XRCC3: variants seen among roughly 807,000 people sequenced by gnomAD.
The protein encoded by XRCC3 is X-ray repair cross complementing 3.
A neutral mutation model predicts 29.2 loss-of-function variants in XRCC3; 34 were observed. The ratio of observed to expected loss-of-function variants is 1.16; its 90% CI spans 0.88 to 1.55. The LOEUF is 1.55. Ranked by LOEUF, XRCC3 falls within the 40% of genes most tolerant of loss-of-function variation. The pLI is 0.00. For synonymous variants in XRCC3, 223 were observed against 211.3 expected, an observed-to-expected ratio of 1.06 and a Z score of -0.48; for missense variants, 463 against 467.6, an observed-to-expected ratio of 0.99 and a Z score of 0.09.
chr14:103,709,695 T>A (rs1366978864), intron 4 of XRCC3: 1 of 152,234 alleles, frequency 6.6e-6, no homozygotes, highest in Non-Finnish European at 1.5e-5. Context: ...ATCGGGGCTG[T>A]GGCAGGGCGC....
At chr14:103,703,669 C>T (rs2083323604) in intron 6 of XRCC3, 1 of 379,322 alleles carries the variant, frequency 2.6e-6, no homozygotes, top group Non-Finnish European at 5.1e-6. Context: ...CCTCCGTTCC[C>T]CACTGCAGGG....
chr14:103,702,770 C>T (rs903334505), intron 7 of XRCC3: 1 of 234,176 alleles, frequency 4.3e-6, no homozygotes, highest in African/African-American at 2.2e-5. Flanking sequence ...GAGCCTCCTC[C>T]TAGGCCCATC....
At chr14:103,710,861 C>T in intron 4 of XRCC3, 172 bp downstream of exon 4, 4 of 639,810 alleles carry the variant, frequency 6.3e-6, no homozygotes, top group Non-Finnish European at 1.1e-5. Flanking sequence ...AGAACACACA[C>T]ACACACACAC....
intron 5 of XRCC3, chr14:103,708,173 G>A: frequency 2.6e-6 from 1 of 387,962 alleles, no homozygotes. Flanking sequence ...GTGGGACCGT[G>A]GCCAGGGCCC....
At position 103,703,317 on chromosome 14, in the gene XRCC3, GTA is replaced by G; in HGVS notation, c.415_416del (p.Tyr139HisfsTer25). On this transcript the variant is annotated frameshift_variant, in exon 7 of 10. Coordinates refer to ENST00000555055, the MANE Select transcript of XRCC3 (RefSeq NM_005432.4). LOFTEE classifies it high-confidence loss of function. ...QHGGLEAGAV[Y>X]ICTEDAFPHK... Reference sequence around the variant, plus strand: ...GCGGGAAGGCGTCTTCCGTGCAGATGTAGACGGCTCCTGGGAAGCAAGAGTGC... The same window carrying G: ...GCGGGAAGGCGTCTTCCGTGCAGATGGACGGCTCCTGGGAAGCAAGAGTGC... The G allele has an allele frequency of 6.4e-7, 1 of 1,551,186 alleles. No homozygotes were observed. Among genetic ancestry groups the G allele is most frequent in the Non-Finnish European group, 8.7e-7 (1 of 1,151,358 alleles).
intron 7 of XRCC3, among the ~76,000 whole-genome samples, 185 bp from the exon 8 acceptor site, chr14:103,699,761 T>A (rs931054620): frequency 6.6e-6 from 1 of 152,108 alleles, no homozygotes; most frequent in Non-Finnish European, 1.5e-5. Context: ...AGGCCCCAAC[T>A]ATAGAAGCTT....
At chr14:103,708,705 A>T in intron 4 of XRCC3, 46 bp from the exon 5 acceptor site, 1 of 1,612,420 alleles carries the variant, frequency 6.2e-7, no homozygotes, top group Non-Finnish European at 8.5e-7. Context: ...GACTGTCACA[A>T]CGCAGGGCAA....
rs1345578277 is a variant in XRCC3 at position 103,698,257 on chromosome 14, C to G, written c.*541G>C. The G allele has an allele frequency of 5.7e-6, 1 of 176,400 alleles. No homozygotes were observed. The highest frequency in any genetic ancestry group is 5.5e-5 in the Admixed American group (1 of 18,300). 10.9% of individuals were successfully genotyped at this position (176,400 alleles called of 1,614,324 possible). A position where few individuals can be genotyped will look rare whatever the true frequency, so the allele number is the denominator to read the frequency against. ...GGCACAGTGTGTGCCGAGGTGGGGC[C>G]CCCGGGAGCCAAGGACCCAGAGGTG... On this transcript the variant is annotated 3_prime_UTR_variant, in exon 10 of 10. Transcript: ENST00000555055.
intron 1 of XRCC3, 54 bp downstream of exon 1, chr14:103,715,370 C>T (rs1196200771): frequency 1.3e-5 from 2 of 152,536 alleles, no homozygotes; most frequent in Non-Finnish European, 2.9e-5. Flanking sequence ...GACCTCCGAC[C>T]CCGCTGCCGC....
At chr14:103,703,506 C>T (rs2083314910) in intron 6 of XRCC3, 179 bp from the exon 7 acceptor site, 4 of 723,676 alleles carry the variant, frequency 5.5e-6, no homozygotes, top group Non-Finnish European at 9.4e-6. Context: ...TGGCAGCCAC[C>T]TCCGGGGCCA....
At position 103,698,725 on chromosome 14, in the gene XRCC3, A is replaced by C; in HGVS notation, c.*73T>G. 1 of 1,360,060 alleles carries C rather than the reference A, an allele frequency of 7.4e-7. No individual in the cohort carries two copies. Among genetic ancestry groups the C allele is most frequent in the Non-Finnish European group, 1.0e-6 (1 of 976,136 alleles). The allele number at this position is 1,360,060 out of a possible 1,614,324, so 84.2% of individuals were successfully genotyped here. A position where few individuals can be genotyped will look rare whatever the true frequency, so the allele number is the denominator to read the frequency against. On this transcript the variant is annotated 3_prime_UTR_variant, in exon 10 of 10. Coordinates refer to ENST00000555055, the MANE Select transcript of XRCC3 (RefSeq NM_005432.4). ...CTCCCAGCTGTGCCACGGCCCAGGCAGACGCGTTTTAAAGGCCCGAGCCCC... is the reference window on the plus strand; with the variant it reads ...CTCCCAGCTGTGCCACGGCCCAGGCCGACGCGTTTTAAAGGCCCGAGCCCC...
At chr14:103,709,783 T>A (rs2083560750) in intron 4 of XRCC3, 1 of 152,268 alleles carries the variant, frequency 6.6e-6, no homozygotes, top group Non-Finnish European at 1.5e-5. Context: ...CATTGGTTTT[T>A]GGATAAGAGA....
chr14:103,700,771 C>T, intron 7 of XRCC3: 1 of 1,465,822 alleles, frequency 6.8e-7, no homozygotes, highest in Non-Finnish European at 9.3e-7. Flanking sequence ...GCAGCTGGGC[C>T]AGGGAGGGAC....
rs1000505145 is a variant in XRCC3 at position 103,698,490 on chromosome 14, CT to C, written c.*307del. ...GAAGCAGGCGGCTCCCAGGGAGTCA[CT>C]GTAGGACACCCCAGGCTCCAGCCCT... On this transcript the variant is annotated 3_prime_UTR_variant, in exon 10 of 10. Transcript: ENST00000555055. The C allele has an allele frequency of 9.1e-6, 4 of 441,110 alleles. No individual in the cohort carries two copies. The highest frequency in any genetic ancestry group is 1.7e-5 in the Non-Finnish European group (4 of 236,366). The allele number at this position is 441,110 out of a possible 1,614,324, so 27.3% of individuals were successfully genotyped here.
At chr14:103,706,885 G>T in intron 6 of XRCC3, 118 bp downstream of exon 6, 2 of 1,139,654 alleles carry the variant, frequency 1.8e-6, no homozygotes, top group African/African-American at 3.1e-5. Flanking sequence ...GAAGGAGGGA[G>T]ACGCAATGGT....
intron 5 of XRCC3, 142 bp from the exon 6 acceptor site, chr14:103,707,357 G>T: frequency 9.4e-7 from 1 of 1,069,216 alleles, no homozygotes; most frequent in Non-Finnish European, 1.4e-6. Context: ...GGTGAGCAAG[G>T]TGCTGAGGGC....
intron 7 of XRCC3, chr14:103,700,409 C>T (rs531814496): frequency 2.9e-5 from 13 of 450,220 alleles, no homozygotes; most frequent in African/African-American, 4.1e-5. Context: ...GGCCTCTGAC[C>T]GCACAGCTTG....
chr14:103,702,949 C>T, intron 7 of XRCC3: 2 of 662,956 alleles, frequency 3.0e-6, no homozygotes, highest in Middle Eastern at 4.3e-4. Flanking sequence ...TGGCAGGATG[C>T]TTTAGCCAGA....
intron 7 of XRCC3, chr14:103,701,412 G>A (rs918755353): frequency 2.6e-5 from 13 of 502,730 alleles, no homozygotes; most frequent in East Asian, 2.5e-4. Flanking sequence ...GCCCTGGTGC[G>A]GCGTGGTCTC....
Sources: allele counts gnomAD v4.1 joint callset (sites outside exome capture counted in the v4.1 genomes callset), GRCh38; gene constraint gnomAD v4.1.1; transcripts MANE v1.5; gene names NCBI Gene and HGNC (gene_info 2026-07-23, HGNC 2026-07-21).